STXBP5L: variants seen among roughly 807,000 people sequenced by gnomAD.
STXBP5L encodes syntaxin binding protein 5L, also known as syntaxin-binding protein 5-like.
In STXBP5L, 65 loss-of-function variants were observed where a neutral mutation model predicts 144.5. That is an observed-to-expected ratio of 0.45 (90% confidence interval 0.37 to 0.55). The LOEUF is 0.55. Ranked by LOEUF, STXBP5L falls within the 20% of genes least tolerant of loss-of-function variation. The pLI is 0.00. For synonymous variants in STXBP5L, 505 were observed against 469.6 expected (o/e 1.08, Z -0.97); for missense variants, 1,298 against 1,405.5 (o/e 0.92, Z 1.22).
At chr3:121,030,488 A>G (rs570897932) in intron 3 of STXBP5L, among the ~76,000 whole-genome samples, 4 of 152,254 alleles carry the variant, frequency 2.6e-5, no homozygotes, top group Non-Finnish European at 5.9e-5. Context: ...ATGAGAACAC[A>G]TGGATACAGC....
At chr3:121,129,000 T>C (rs2044845411) in intron 7 of STXBP5L, among the ~76,000 whole-genome samples, 1 of 152,014 alleles carries the variant, frequency 6.6e-6, no homozygotes, top group Admixed American at 6.6e-5. Flanking sequence ...GACTGTTAGA[T>C]ATAGGGTCAG....
intron 19 of STXBP5L, among the ~76,000 whole-genome samples, chr3:121,297,618 G>A (rs1408576249): frequency 1.3e-5 from 2 of 152,232 alleles, no homozygotes; most frequent in Non-Finnish European, 2.9e-5. Context: ...GCTGGGTGTG[G>A]TGGCTCATGC....
chr3:121,257,276 G>C lies in STXBP5L; in HGVS notation c.1775G>C (p.Gly592Ala). 6.2e-7 allele frequency: 1 copy of C among 1,613,566 alleles called. No individual in the cohort carries two copies. Among genetic ancestry groups the C allele is most frequent in the African/African-American group, 1.3e-5 (1 of 74,988 alleles). Residue 592 changes from glycine to alanine, a missense_variant, in exon 17 of 27, where the codon GGG (glycine) becomes GCG (alanine). Gly to Ala is a moderately conservative substitution (Grantham distance 60, BLOSUM62 0). Transcript: ENST00000471454. ...CTTCCTTCTTCAAGGAGTCTTTCTG[G>C]GAGCACTAACACTGTTGCTAGTGAA... ...AQLPSSRSLSGSTNTVASEGV... is the reference protein window; with the variant it reads ...AQLPSSRSLSASTNTVASEGV...
intron 3 of STXBP5L, among the ~76,000 whole-genome samples, chr3:121,038,126 G>GT (rs1399326510): frequency 6.6e-6 from 1 of 151,568 alleles, no homozygotes; most frequent in Non-Finnish European, 1.5e-5. Flanking sequence ...TTGTTGATCT[G>GT]TTTCTATTTT....
intron 19 of STXBP5L, among the ~76,000 whole-genome samples, chr3:121,311,996 T>G (rs545645926): frequency 1.3e-5 from 2 of 152,146 alleles, no homozygotes; most frequent in African/African-American, 4.8e-5. Context: ...AAAACAGAGA[T>G]ATAGATCAAT....
Position 120,938,311 on chromosome 3 carries a change from C to T in STXBP5L, c.190-16629C>T, listed in dbSNP as rs1475232051. Among the ~76,000 whole-genome samples, 4 of 151,908 alleles carry T rather than the reference C, an allele frequency of 2.6e-5. No individual in the cohort carries two copies. The East Asian group carries it at 7.7e-4, about 29-fold the overall frequency. Reference sequence around the variant, plus strand: ...GGTTCATAGAATTCTATTAAGCATCCTGGCTTATTTAAATCATTACTCAAT... The same window carrying T: ...GGTTCATAGAATTCTATTAAGCATCTTGGCTTATTTAAATCATTACTCAAT... On this transcript the variant is annotated intron_variant, in intron 2 of 26. Coordinates refer to ENST00000471454, the MANE Select transcript of STXBP5L (RefSeq NM_001308330.2).
chr3:121,349,529 CGTT>C (rs2045176791), intron 20 of STXBP5L, among the ~76,000 whole-genome samples: 1 of 151,920 alleles, frequency 6.6e-6, no homozygotes, highest in South Asian at 2.1e-4. Flanking sequence ...CTTTCTGTCT[CGTT>C]GATCTTCTAA....
intron 2 of STXBP5L, among the ~76,000 whole-genome samples, chr3:120,938,545 G>GT (rs1298137999): frequency 6.6e-6 from 1 of 152,130 alleles, no homozygotes; most frequent in Non-Finnish European, 1.5e-5. Flanking sequence ...AAAACATTTG[G>GT]TTATTATCCT....
intron 20 of STXBP5L, among the ~76,000 whole-genome samples, chr3:121,323,154 C>T (rs2044031879): frequency 6.6e-6 from 1 of 151,970 alleles, no homozygotes; most frequent in Non-Finnish European, 1.5e-5. Context: ...GTCTGTCCAC[C>T]CTATTGATTG....
chr3:121,345,540 G>T (rs961353878), intron 20 of STXBP5L, among the ~76,000 whole-genome samples: 5 of 152,016 alleles, frequency 3.3e-5, no homozygotes, highest in Non-Finnish European at 5.9e-5. Flanking sequence ...GGGATTGCTG[G>T]GTCAAATGGT....
chr3:121,226,576 C>T lies in STXBP5L; in HGVS notation c.1111+3419C>T, dbSNP rs185509443. ...GTTAGATTTTAAAAGGGGAAATCCC[C>T]TGAATGTCCCGAGAGCATCCCTAGT... is the stretch of plus-strand genomic sequence containing the variant. On this transcript the variant is annotated intron_variant, in intron 11 of 26. Transcript: ENST00000471454. Among the ~76,000 whole-genome samples, 3 of 152,252 alleles carry T rather than the reference C, an allele frequency of 2.0e-5. No homozygotes were observed. The East Asian group carries it at 5.8e-4, about 29-fold the overall frequency.
intron 3 of STXBP5L, among the ~76,000 whole-genome samples, chr3:121,014,245 A>C (rs1350947239): frequency 6.6e-6 from 1 of 151,998 alleles, no homozygotes; most frequent in Non-Finnish European, 1.5e-5. Flanking sequence ...CATTTTAATG[A>C]TATTAATTCT....
intron 20 of STXBP5L, among the ~76,000 whole-genome samples, chr3:121,324,310 C>T (rs1405206559): frequency 2.6e-5 from 4 of 152,068 alleles, no homozygotes; most frequent in Non-Finnish European, 5.9e-5. Flanking sequence ...TCTCCAAAAA[C>T]CTTTCTTCTC....
intron 10 of STXBP5L, among the ~76,000 whole-genome samples, chr3:121,216,729 GC>G (rs2048789931): frequency 1.3e-5 from 2 of 152,198 alleles, no homozygotes; most frequent in African/African-American, 2.4e-5. Context: ...GAGATCTGCT[GC>G]TCTCTTCAGA....
At chr3:121,403,162 C>T (rs747168807) in intron 22 of STXBP5L, among the ~76,000 whole-genome samples, 4 of 152,212 alleles carry the variant, frequency 2.6e-5, no homozygotes, top group South Asian at 2.1e-4. Flanking sequence ...ATCTTCATGG[C>T]CTGCATATTC....
At chr3:121,230,593 T>G (rs774928903) in intron 11 of STXBP5L, among the ~76,000 whole-genome samples, 1 of 152,082 alleles carries the variant, frequency 6.6e-6, no homozygotes, top group Non-Finnish European at 1.5e-5. Context: ...AAGTCAAACA[T>G]GAATTTGAAA....
At chr3:121,094,516 C>G (rs530188331) in intron 5 of STXBP5L, among the ~76,000 whole-genome samples, 1 of 152,170 alleles carries the variant, frequency 6.6e-6, no homozygotes, top group South Asian at 2.1e-4. Context: ...AGTCCCTTTA[C>G]CATTATGTAA....
At chr3:121,310,274 T>C (rs2043479847) in intron 19 of STXBP5L, among the ~76,000 whole-genome samples, 1 of 152,256 alleles carries the variant, frequency 6.6e-6, no homozygotes, top group Non-Finnish European at 1.5e-5. Context: ...TAAATTTTTC[T>C]TCAAGTAAAT....
chr3:120,982,210 T>G (rs1285547023), intron 3 of STXBP5L, among the ~76,000 whole-genome samples: 1 of 152,158 alleles, frequency 6.6e-6, no homozygotes, highest in Non-Finnish European at 1.5e-5. Flanking sequence ...GATCTTTGTT[T>G]ACTGGGAGGT....
Sources: gnomAD v4.1 joint callset for allele counts (sites outside exome capture counted in the v4.1 genomes callset) on GRCh38, gnomAD v4.1.1 for gene constraint, MANE v1.5 for transcripts, NCBI Gene and HGNC (gene_info 2026-07-23, HGNC 2026-07-21) for gene names.